Variants in CIMIP7 observed in about 807,000 individuals in gnomAD.
CIMIP7 encodes the protein uncharacterized protein C3orf84.
At chr3:49,190,898 A>G in the CIMIP7 span, among the ~76,000 whole-genome samples, 1 of 151,870 alleles carries the variant, frequency 6.6e-6, no homozygotes, top group African/African-American at 2.4e-5. Context: ...CGAACTCCTG[A>G]CCTCGTGATC....
chr3:49,187,275 G>C, the CIMIP7 span, among the ~76,000 whole-genome samples: 14 of 152,164 alleles, frequency 9.2e-5, no homozygotes, highest in Non-Finnish European at 1.9e-4. Flanking sequence ...CTTTTCCAAC[G>C]AGGTGGTAAA....
the CIMIP7 span, chr3:49,177,752 T>C: frequency 1.9e-6 from 3 of 1,609,534 alleles, no homozygotes; most frequent in Admixed American, 5.1e-5. Flanking sequence ...AGTACGTCAG[T>C]GACCGGCGCC....
the CIMIP7 span, among the ~76,000 whole-genome samples, chr3:49,185,754 G>A: frequency 6.0e-4 from 90 of 149,296 alleles, 1 homozygote; most frequent in African/African-American, 2.2e-3. Flanking sequence ...ACAGTGGCTC[G>A]ATCTCAGCTC....
chr3:49,190,700 T>A, the CIMIP7 span, among the ~76,000 whole-genome samples: 1 of 144,408 alleles, frequency 6.9e-6, no homozygotes, highest in East Asian at 2.0e-4. Flanking sequence ...GACGGAGTCT[T>A]GCTCTGTCTG....
chr3:49,184,895 C>CT, the CIMIP7 span, among the ~76,000 whole-genome samples: 1 of 151,850 alleles, frequency 6.6e-6, no homozygotes, highest in South Asian at 2.1e-4. Flanking sequence ...CTCCCAAGTG[C>CT]TGGGATTACA....
chr3:49,183,424 G>A, the CIMIP7 span, among the ~76,000 whole-genome samples: 2 of 152,196 alleles, frequency 1.3e-5, no homozygotes, highest in African/African-American at 4.8e-5. Context: ...GGCTCATCCT[G>A]TAATCCCAGC....
the CIMIP7 span, among the ~76,000 whole-genome samples, chr3:49,183,520 A>G: frequency 4.3e-4 from 65 of 152,316 alleles, no homozygotes; most frequent in Non-Finnish European, 7.5e-4. Context: ...TGTCTCTACT[A>G]AAAATACAAA....
the CIMIP7 span, among the ~76,000 whole-genome samples, chr3:49,181,302 A>C: frequency 5.4e-4 from 80 of 148,794 alleles, 1 homozygote; most frequent in Non-Finnish European, 8.9e-4. Flanking sequence ...AGATCTCACC[A>C]CTGCACTCCA....
At chr3:49,178,424 C>G in the CIMIP7 span, 2 of 1,527,442 alleles carry the variant, frequency 1.3e-6, no homozygotes, top group East Asian at 4.5e-5. Flanking sequence ...TCTGCTCTGT[C>G]CAGACTTCAG....
the CIMIP7 span, among the ~76,000 whole-genome samples, chr3:49,185,027 C>T: frequency 6.6e-6 from 1 of 151,626 alleles, no homozygotes; most frequent in Non-Finnish European, 1.5e-5. Context: ...TTTGGGGGGC[C>T]GAGGTGGGTG....
At chr3:49,186,574 T>G in the CIMIP7 span, among the ~76,000 whole-genome samples, 1 of 152,118 alleles carries the variant, frequency 6.6e-6, no homozygotes, top group Non-Finnish European at 1.5e-5. Flanking sequence ...TGTCTAATTT[T>G]TTGTATTTTT....
chr3:49,178,707 C>A, the CIMIP7 span, among the ~76,000 whole-genome samples: 2 of 152,150 alleles, frequency 1.3e-5, no homozygotes, highest in Non-Finnish European at 2.9e-5. Context: ...TAAAGCAACA[C>A]TTCAGTCCTG....
the CIMIP7 span, chr3:49,189,714 G>A: frequency 4.3e-6 from 2 of 466,454 alleles, no homozygotes; most frequent in Admixed American, 5.2e-5. Context: ...GAATGTGAAG[G>A]TAGTTGTCAG....
At chr3:49,183,040 C>G in the CIMIP7 span, among the ~76,000 whole-genome samples, 1 of 152,170 alleles carries the variant, frequency 6.6e-6, no homozygotes, top group Non-Finnish European at 1.5e-5. Flanking sequence ...TCTCGGGCCT[C>G]GGCAAGCCCA....
At chr3:49,183,889 A>C in the CIMIP7 span, among the ~76,000 whole-genome samples, 1 of 152,266 alleles carries the variant, frequency 6.6e-6, no homozygotes, top group Non-Finnish European at 1.5e-5. Context: ...AATACTACTC[A>C]GTAAATGAAA....
At chr3:49,182,634 A>C in the CIMIP7 span, among the ~76,000 whole-genome samples, 1 of 152,210 alleles carries the variant, frequency 6.6e-6, no homozygotes, top group Non-Finnish European at 1.5e-5. Context: ...CTGCAGGTGG[A>C]GCTGCCTGCC....
the CIMIP7 span, among the ~76,000 whole-genome samples, chr3:49,181,986 C>A: frequency 6.6e-6 from 1 of 152,168 alleles, no homozygotes; most frequent in Admixed American, 6.5e-5. Context: ...AAGCTGCAGA[C>A]CTCCGCGGTG....
the CIMIP7 span, among the ~76,000 whole-genome samples, chr3:49,180,929 C>CA: frequency 4.4e-3 from 289 of 65,704 alleles, 3 homozygotes; most frequent in Non-Finnish European, 5.7e-3. Context: ...GACTCCGTCT[C>CA]AAAAAAAAAA....
the CIMIP7 span, among the ~76,000 whole-genome samples, chr3:49,179,762 G>A: frequency 6.6e-6 from 1 of 152,172 alleles, no homozygotes; most frequent in Non-Finnish European, 1.5e-5. Context: ...CTGCTTGTGG[G>A]CAAAGGCGGT....
Sources: allele counts gnomAD v4.1 joint callset (sites outside exome capture counted in the v4.1 genomes callset), GRCh38; gene constraint gnomAD v4.1.1; transcripts MANE v1.5; gene names NCBI Gene and HGNC (gene_info 2026-07-23, HGNC 2026-07-21).